Variants in ALMS1 observed in about 807,000 individuals in gnomAD.
ALMS1 encodes centrosome-associated protein ALMS1.
In ALMS1, 271 loss-of-function variants were observed where a neutral mutation model predicts 352.2. The observed-to-expected ratio is 0.77, with a 90% CI of 0.70 to 0.85. The LOEUF is 0.85. Among genes scored for constraint, ALMS1 ranks in the 40% least tolerant of loss-of-function variants. ALMS1 has a pLI of 0.00. For missense variants in ALMS1, 5,445 were observed against 4,870.7 expected (o/e 1.12, Z -3.51); for synonymous variants, 1,865 against 1,761.2 (o/e 1.06, Z -1.48).
intron 2 of ALMS1, among the ~76,000 whole-genome samples, chr2:73,415,797 G>A (rs1223647654): frequency 1.3e-5 from 2 of 152,136 alleles, no homozygotes; most frequent in Non-Finnish European, 2.9e-5. Flanking sequence ...CTTTTGCTGA[G>A]CAAATAGGAT....
chr2:73,441,610 A>ACTATTCCTATTC (rs111395015), intron 7 of ALMS1, among the ~76,000 whole-genome samples: 43,782 of 150,886 alleles, frequency 0.29, 7,654 homozygotes, highest in African/African-American at 0.49. Flanking sequence ...TCTCCTTCCC[A>ACTATTCCTATTC]CTATTCCTAT....
At chr2:73,425,605 T>C (rs954191261) in intron 5 of ALMS1, among the ~76,000 whole-genome samples, 2 of 152,190 alleles carry the variant, frequency 1.3e-5, no homozygotes, top group African/African-American at 4.8e-5. Flanking sequence ...ATTGCCTCTA[T>C]TGAGCCTTCT....
At chr2:73,547,463 C>A (rs909417635) in intron 12 of ALMS1, among the ~76,000 whole-genome samples, 1 of 152,128 alleles carries the variant, frequency 6.6e-6, no homozygotes, top group East Asian at 1.9e-4. Flanking sequence ...TTGGAACTTT[C>A]CTTCTTTCTT....
At position 73,448,532 on chromosome 2, in the gene ALMS1, C is replaced by A. The variant is rs765216026; in HGVS notation, c.2005C>A (p.His669Asn). ...TGIPTVSSTSHSHVEDLLFFY... is the reference protein window; with the variant it reads ...TGIPTVSSTSNSHVEDLLFFY... The stretch of plus-strand genomic sequence containing the variant: ...AATACCTACAGTATCCTCTACATCC[C>A]ACTCACATGTAGAGGACCTCCTCTT... The change falls in exon 8 of 23, where the codon CAC becomes AAC. Residue 669 changes from histidine (H) to asparagine (N), a missense_variant. Transcript: ENST00000613296. The A allele has an allele frequency of 1.9e-6, 3 of 1,613,768 alleles. No homozygotes were observed. The African/African-American group carries it at 4.0e-5, about 22-fold the overall frequency.
At chr2:73,593,490 T>C (rs755088997) in intron 16 of ALMS1, among the ~76,000 whole-genome samples, 2 of 152,230 alleles carry the variant, frequency 1.3e-5, no homozygotes, top group African/African-American at 4.8e-5. Context: ...TGCAGAACTA[T>C]AGAGTATAAC....
chr2:73,481,509 G>C (rs1221603465), intron 9 of ALMS1, among the ~76,000 whole-genome samples: 15 of 152,096 alleles, frequency 9.9e-5, no homozygotes, highest in Admixed American at 1.3e-4. Context: ...GTCAGGTAGC[G>C]TGATGCCTCC....
intron 3 of ALMS1, among the ~76,000 whole-genome samples, chr2:73,421,027 A>C (rs1414589234): frequency 6.6e-6 from 1 of 152,086 alleles, no homozygotes; most frequent in Non-Finnish European, 1.5e-5. Flanking sequence ...CCTTCCCATC[A>C]CACACACACA....
chr2:73,510,493 T>C (rs1232666359), intron 10 of ALMS1, among the ~76,000 whole-genome samples: 1 of 152,052 alleles, frequency 6.6e-6, no homozygotes, highest in African/African-American at 2.4e-5. Context: ...TCTGCTGGAG[T>C]TTACTGGGGG....
At chr2:73,456,809 G>A (rs2103801457) in intron 9 of ALMS1, 1 of 152,288 alleles carries the variant, frequency 6.6e-6, no homozygotes, top group Admixed American at 6.5e-5. Flanking sequence ...TGCTGCCAAA[G>A]TGAGCACTAT....
At chr2:73,435,706 C>T (rs867288705) in intron 7 of ALMS1, among the ~76,000 whole-genome samples, 1 of 151,988 alleles carries the variant, frequency 6.6e-6, no homozygotes, top group African/African-American at 2.4e-5. Flanking sequence ...ATCCTCCTGC[C>T]TCAGCCTCCT....
intron 1 of ALMS1, among the ~76,000 whole-genome samples, chr2:73,394,680 C>T (rs1443841520): frequency 6.6e-6 from 1 of 152,044 alleles, no homozygotes; most frequent in Non-Finnish European, 1.5e-5. Flanking sequence ...ATGGGATATC[C>T]TTTCATTTAT....
intron 10 of ALMS1, among the ~76,000 whole-genome samples, chr2:73,515,489 A>T (rs1673536501): frequency 6.6e-6 from 1 of 152,034 alleles, no homozygotes; most frequent in Non-Finnish European, 1.5e-5. Flanking sequence ...AAATAAGAGG[A>T]TAATAGAGAT....
chr2:73,491,470 C>G lies in ALMS1; in HGVS notation c.9511C>G (p.Pro3171Ala), dbSNP rs756554048. Residue 3171 changes from proline (P) to alanine (A), a missense_variant, in exon 10 of 23, where the codon CCA becomes GCA. Pro to Ala is a conservative substitution (Grantham distance 27). Coordinates refer to ENST00000613296, the MANE Select transcript of ALMS1 (RefSeq NM_001378454.1). ...TTCAGATTTCGAAGGACATTCCAAT[C>G]CAGAGGGGACCCCAGTATTTGCAGA... ...NISDFEGHSN[P>A]EGTPVFADRL... 8.7e-6 allele frequency: 14 copies of G among 1,614,028 alleles called. No homozygotes were observed. The Admixed American group carries it at 2.3e-4, about 27-fold the overall frequency.
At chr2:73,600,499 C>G (rs1424453435) in intron 17 of ALMS1, among the ~76,000 whole-genome samples, 179 bp from the exon 18 acceptor site, 2 of 152,158 alleles carry the variant, frequency 1.3e-5, no homozygotes, top group African/African-American at 4.8e-5. Flanking sequence ...TCTTTGCCCT[C>G]TTTTTCCCTC....
intron 16 of ALMS1, among the ~76,000 whole-genome samples, chr2:73,581,379 G>T (rs538226341): frequency 6.6e-6 from 1 of 152,240 alleles, no homozygotes; most frequent in South Asian, 2.1e-4. Context: ...ACAATTCCTT[G>T]GGAACAAGGT....
intron 9 of ALMS1, among the ~76,000 whole-genome samples, chr2:73,468,998 C>T (rs1231113719): frequency 6.6e-6 from 1 of 151,872 alleles, no homozygotes; most frequent in African/African-American, 2.4e-5. Context: ...TTGTCAAAAA[C>T]TGTTGAGATC....
At chr2:73,494,544 T>C (rs1374002697) in intron 10 of ALMS1, among the ~76,000 whole-genome samples, 1 of 152,248 alleles carries the variant, frequency 6.6e-6, no homozygotes, top group Non-Finnish European at 1.5e-5. Flanking sequence ...AGTTGTCATG[T>C]CTTAGACTCC....
rs1558666647 is a variant in ALMS1, at chr2:73,489,801, A to G, written c.7842A>G (p.Arg2614=). 1 of 1,614,214 alleles carries G rather than the reference A, an allele frequency of 6.2e-7. No individual in the cohort carries two copies. Among genetic ancestry groups the G allele is most frequent in the African/African-American group, 1.3e-5 (1 of 75,050 alleles). The change falls in exon 10 of 23, where the codon AGA becomes AGG. Residue 2614 remains arginine, a synonymous_variant. Transcript: ENST00000613296. ...CTGCTGGACCCTCAGAAATGACCAGAGGACGGCAGAACCCATCATCATGCA... is the reference window on the plus strand; with the variant it reads ...CTGCTGGACCCTCAGAAATGACCAGGGGACGGCAGAACCCATCATCATGCA... ...FRSAGPSEMT[R]GRQNPSSCRA... is the part of the protein sequence containing the mutation.
chr2:73,472,402 C>A (rs1040995703), intron 9 of ALMS1, among the ~76,000 whole-genome samples: 1 of 152,020 alleles, frequency 6.6e-6, no homozygotes, highest in African/African-American at 2.4e-5. Flanking sequence ...TAGAATAATA[C>A]CTCAAATATG....
Sources: gnomAD v4.1 joint callset for allele counts (sites outside exome capture counted in the v4.1 genomes callset) on GRCh38, gnomAD v4.1.1 for gene constraint, MANE v1.5 for transcripts, NCBI Gene and HGNC (gene_info 2026-07-23, HGNC 2026-07-21) for gene names.